The following WDR1 variants were observed in gnomAD, a reference collection of about 807,000 sequenced individuals.
The protein encoded by WDR1 is WD repeat domain 1.
In WDR1, 21 loss-of-function variants were observed where a neutral mutation model predicts 71.9. The ratio of observed to expected loss-of-function variants is 0.29; its 90% confidence interval spans 0.21 to 0.42. WDR1 has a LOEUF of 0.42. WDR1 is among the 10% of genes least tolerant of loss of function. WDR1 has a pLI of 1.00. For missense variants in WDR1, 696 were observed against 824.5 expected, an observed-to-expected ratio of 0.84 and a Z score of 1.91; for synonymous variants, 424 against 347.4, an observed-to-expected ratio of 1.22 and a Z score of -2.45.
intron 2 of WDR1, among the ~76,000 whole-genome samples, chr4:10,108,589 A>G (rs532625824): frequency 1.9e-4 from 29 of 152,340 alleles, no homozygotes; most frequent in African/African-American, 7.0e-4. Context: ...AAGTTCCTGC[A>G]AGCAACAGAG....
rs950527140 is a variant in WDR1, at chr4:10,078,929, C to T, written c.1357G>A (p.Val453Met). 1.2e-6 allele frequency: 2 copies of T among 1,613,062 alleles called. No homozygotes were observed. The highest frequency in any genetic ancestry group is 1.1e-5 in the South Asian group (1 of 90,956). The part of the protein sequence containing the change: ...NPGYEPEVVA[V>M]HPGGDTVAIG... ...GCCACCGTGTCCCCGCCGGGGTGCA[C>T]TGCCACAACTTCGGGCTCGTAGCCG... Residue 453 changes from valine (V) to methionine (M), a missense_variant, in exon 12 of 15, where the codon GTG becomes ATG. Physicochemically the swap from Val to Met is conservative, Grantham distance 21. Coordinates refer to ENST00000499869, the MANE Select transcript of WDR1 (RefSeq NM_017491.5).
intron 8 of WDR1, among the ~76,000 whole-genome samples, chr4:10,085,491 C>CCCA (rs1765174914): frequency 6.6e-6 from 1 of 152,226 alleles, no homozygotes; most frequent in South Asian, 2.1e-4. Context: ...AATGTGGCAT[C>CCCA]CCACCAGTCC....
chr4:10,075,176 T>G lies in WDR1; in HGVS notation c.*202A>C. 1.8e-6 allele frequency: 1 copy of G among 546,650 alleles called. No homozygotes were observed. Among genetic ancestry groups the G allele is most frequent in the Non-Finnish European group, 3.3e-6 (1 of 307,228 alleles). 33.9% of individuals were successfully genotyped at this position (546,650 alleles called of 1,614,324 possible). ...GTTTAGGTGCTCGCTTTATTTTTCA[T>G]GTGCAAACTGTTACTGTCTAAAGCT... On this transcript the variant is annotated 3_prime_UTR_variant, in exon 15 of 15. Coordinates refer to ENST00000499869, the MANE Select transcript of WDR1 (RefSeq NM_017491.5).
At chr4:10,097,473 A>T (rs1032996914) in intron 5 of WDR1, among the ~76,000 whole-genome samples, 2 of 152,242 alleles carry the variant, frequency 1.3e-5, no homozygotes, top group African/African-American at 2.4e-5. Context: ...GGCACACATC[A>T]TCCTAGGGCA....
chr4:10,088,105 G>A (rs546789535), intron 7 of WDR1, among the ~76,000 whole-genome samples, 165 bp from the exon 8 acceptor site: 5 of 152,182 alleles, frequency 3.3e-5, no homozygotes, highest in Non-Finnish European at 7.3e-5. Context: ...CAGGTCTCCC[G>A]TTCCAGCCAC....
chr4:10,095,662 C>G (rs972436456), intron 5 of WDR1, among the ~76,000 whole-genome samples: 1 of 152,352 alleles, frequency 6.6e-6, no homozygotes, highest in African/African-American at 2.4e-5. Context: ...CCTGAGCACC[C>G]TTCCTGTCCT....
chr4:10,103,474 G>A (rs1048953297), intron 3 of WDR1, among the ~76,000 whole-genome samples: 2 of 152,158 alleles, frequency 1.3e-5, no homozygotes, highest in Non-Finnish European at 2.9e-5. Context: ...ACTAAGGCCA[G>A]TTTTGAAAAG....
At chr4:10,088,193 A>C in intron 7 of WDR1, 100 bp downstream of exon 7, 1 of 1,213,280 alleles carries the variant, frequency 8.2e-7, no homozygotes, top group Non-Finnish European at 1.2e-6. Context: ...ATAGCCCCTC[A>C]TTTCAAGTTT....
intron 14 of WDR1, chr4:10,076,423 G>A (rs1336865266): frequency 6.6e-6 from 1 of 152,262 alleles, no homozygotes; most frequent in Non-Finnish European, 1.5e-5. Flanking sequence ...ACCTCACAGT[G>A]AAGACACAGA....
rs186702303 is a variant in WDR1 at position 10,080,411 on chromosome 4, C to T, written c.1284+946G>A. Among the ~76,000 whole-genome samples, 8 of 152,366 alleles carry T rather than the reference C, an allele frequency of 5.3e-5. No individual in the cohort carries two copies. The East Asian group carries it at 7.7e-4, about 15-fold the overall frequency. On this transcript the variant is annotated intron_variant, in intron 11 of 14. Coordinates refer to ENST00000499869, the MANE Select transcript of WDR1 (RefSeq NM_017491.5). ...GTAGCGTTTCCCCCAGGCCCCGAGG[C>T]GCTCCATGTGTGGATTCCCTTTGCA...
intron 8 of WDR1, among the ~76,000 whole-genome samples, chr4:10,085,325 T>A (rs1377202592): frequency 6.6e-6 from 1 of 152,202 alleles, no homozygotes; most frequent in Non-Finnish European, 1.5e-5. Context: ...ATGGCATAGA[T>A]CTTTGGATGC....
chr4:10,093,010 C>T, intron 5 of WDR1: 2 of 1,265,242 alleles, frequency 1.6e-6, no homozygotes, highest in Non-Finnish European at 2.1e-6. Flanking sequence ...CCCCACAGTC[C>T]TCACTCCCTC....
At chr4:10,102,788 C>A (rs1218756858) in intron 3 of WDR1, among the ~76,000 whole-genome samples, 2 of 152,194 alleles carry the variant, frequency 1.3e-5, no homozygotes, top group African/African-American at 4.8e-5. Context: ...TGAGTCCCGC[C>A]CTCCCCTACT....
At chr4:10,089,017 A>G (rs1182716219) in intron 5 of WDR1, among the ~76,000 whole-genome samples, 2 of 151,880 alleles carry the variant, frequency 1.3e-5, no homozygotes, top group East Asian at 3.9e-4. Context: ...TGCCCCCCCC[A>G]GTGAGGTGCC....
At chr4:10,106,286 A>G (rs1213222427) in intron 2 of WDR1, 1 of 152,240 alleles carries the variant, frequency 6.6e-6, no homozygotes, top group East Asian at 1.9e-4. Context: ...GCTATTTATT[A>G]AATGTCTGCC....
chr4:10,077,129 C>G, intron 14 of WDR1, 175 bp downstream of exon 14: 1 of 941,780 alleles, frequency 1.1e-6, no homozygotes, highest in Non-Finnish European at 1.5e-6. Context: ...GTACGGCCAG[C>G]AGCGCAGCTG....
chr4:10,090,466 C>T (rs912307598), intron 5 of WDR1, among the ~76,000 whole-genome samples: 5 of 152,202 alleles, frequency 3.3e-5, no homozygotes, highest in East Asian at 1.9e-4. Context: ...AGGCAGTTCT[C>T]GTAGAGAGGC....
intron 6 of WDR1, 115 bp from the exon 7 acceptor site, chr4:10,088,488 G>T (rs1229832101): frequency 8.2e-7 from 1 of 1,223,840 alleles, no homozygotes; most frequent in Non-Finnish European, 1.2e-6. Flanking sequence ...AGCTCCCAGT[G>T]TGGTTTAAAA....
chr4:10,092,184 CCT>C (rs1491030745), intron 5 of WDR1: 1 of 87,124 alleles, frequency 1.1e-5, no homozygotes, highest in Non-Finnish European at 3.0e-5. Flanking sequence ...CTGGCTGACC[CCT>C]GGGTCCTTCT....
Sources: allele counts gnomAD v4.1 joint callset (sites outside exome capture counted in the v4.1 genomes callset), GRCh38; gene constraint gnomAD v4.1.1; transcripts MANE v1.5; gene names NCBI Gene and HGNC (gene_info 2026-07-23, HGNC 2026-07-21).